DMXL2: variants seen among roughly 807,000 people sequenced by gnomAD.
DMXL2 encodes the protein dmX-like protein 2.
A neutral mutation model predicts 331.1 loss-of-function variants in DMXL2; 103 were observed. The observed-to-expected ratio is 0.31, with a 90% CI of 0.27 to 0.37. DMXL2 has a LOEUF of 0.37. DMXL2 is among the 10% of genes least tolerant of loss of function. The pLI is 1.00. For missense variants in DMXL2, 3,171 were observed against 3,642.9 expected (o/e 0.87, Z 3.33); for synonymous variants, 1,281 against 1,252.1 (o/e 1.02, Z -0.49).
intron 1 of DMXL2, among the ~76,000 whole-genome samples, chr15:51,603,988 A>G (rs944571462): frequency 5.9e-5 from 9 of 152,172 alleles, no homozygotes; most frequent in African/African-American, 2.2e-4. Context: ...CTTAATGAAC[A>G]CAGATGCAAA....
At chr15:51,468,059 A>C (rs1488908234) in intron 29 of DMXL2, among the ~76,000 whole-genome samples, 1 of 152,182 alleles carries the variant, frequency 6.6e-6, no homozygotes, top group East Asian at 1.9e-4. Context: ...TAATCTGCTC[A>C]TGAACAAGAC....
intron 15 of DMXL2, among the ~76,000 whole-genome samples, chr15:51,512,305 T>C (rs2046802369): frequency 6.6e-6 from 1 of 152,078 alleles, no homozygotes; most frequent in South Asian, 2.1e-4. Flanking sequence ...GAAAACACAA[T>C]ATGTAAACTT....
At chr15:51,611,155 A>T (rs543036066) in intron 1 of DMXL2, among the ~76,000 whole-genome samples, 1 of 152,250 alleles carries the variant, frequency 6.6e-6, no homozygotes, top group Admixed American at 6.5e-5. Context: ...AAATAAGTAT[A>T]TAACAGAGAG....
chr15:51,453,466 C>A, intron 41 of DMXL2, 84 bp downstream of exon 41: 3 of 995,422 alleles, frequency 3.0e-6, no homozygotes, highest in Non-Finnish European at 2.9e-6. Context: ...AGTGGAAAAA[C>A]CCTACTAATA....
At position 51,455,943 on chromosome 15, in the gene DMXL2, A is replaced by C. The variant is rs7180470; in HGVS notation, c.8526+123T>G. On this transcript the variant is annotated intron_variant, in intron 39 of 43. Transcript: ENST00000560891. ...AGAGAGTGTATGAATAGACTCCAACAAACTGTCTACTCAGTTTAAATCCAG... is the reference window on the plus strand; with the variant it reads ...AGAGAGTGTATGAATAGACTCCAACCAACTGTCTACTCAGTTTAAATCCAG... 4,673 of 1,164,082 alleles carry C rather than the reference A, an allele frequency of 4.0e-3. 119 individuals are homozygous for C. The African/African-American group carries it at 0.062, about 15-fold the overall frequency. 72.1% of individuals were successfully genotyped at this position (1,164,082 alleles called of 1,614,324 possible). A position where few individuals can be genotyped will look rare whatever the true frequency, so the allele number is the denominator to read the frequency against.
At chr15:51,467,313 C>T (rs2040672958) in intron 29 of DMXL2, among the ~76,000 whole-genome samples, 1 of 151,968 alleles carries the variant, frequency 6.6e-6, no homozygotes, top group South Asian at 2.1e-4. Context: ...AATTTCTGTG[C>T]ATGATAAACT....
intron 1 of DMXL2, among the ~76,000 whole-genome samples, chr15:51,620,688 T>C (rs1328171809): frequency 6.6e-6 from 1 of 152,132 alleles, no homozygotes; most frequent in Non-Finnish European, 1.5e-5. Flanking sequence ...GATTGTAAAA[T>C]AAGGTGGTGG....
In DMXL2 at chr15:51,480,103, G is replaced by A; in HGVS notation, c.6601C>T (p.Leu2201=). ...GAAAGCAGAGGTAGGGTGGTAGGCA[G>A]TGGTAGTGGAGACTGGAGCTGCTTT... ...TVKQLQSPLP[L]PTTLPLLSAS... is the part of the protein sequence containing the mutation. Residue 2201 remains leucine, a synonymous_variant, in exon 25 of 44, where the codon CTG becomes TTG. Coordinates refer to ENST00000560891, the MANE Select transcript of DMXL2 (RefSeq NM_001378457.1). 3 of 1,584,760 alleles carry A rather than the reference G, an allele frequency of 1.9e-6. No individual in the cohort carries two copies. Among genetic ancestry groups the A allele is most frequent in the Non-Finnish European group, 2.6e-6 (3 of 1,158,012 alleles).
chr15:51,483,481 A>T (rs918234852), intron 23 of DMXL2, among the ~76,000 whole-genome samples: 1 of 152,122 alleles, frequency 6.6e-6, no homozygotes, highest in African/African-American at 2.4e-5. Context: ...TTGGTCAGAG[A>T]AACAATCTGG....
chr15:51,555,925 A>G (rs1312629247), intron 6 of DMXL2, among the ~76,000 whole-genome samples: 1 of 152,214 alleles, frequency 6.6e-6, no homozygotes, highest in Non-Finnish European at 1.5e-5. Flanking sequence ...CTCTTCACAA[A>G]AGAGAGCTTT....
rs76409195 is a variant in DMXL2, at chr15:51,489,906, T to C, written c.4954-1261A>G. Among the ~76,000 whole-genome samples, 411 of 152,350 alleles carry C rather than the reference T, an allele frequency of 2.7e-3. 18 individuals are homozygous for C. In the East Asian group the frequency reaches 0.064, roughly 24 times the overall value. Reference sequence around the variant, plus strand: ...ATAAATTACTTGTGGAAATAAATCATGTGTATATTATCACAGATAATCATA... The same window carrying C: ...ATAAATTACTTGTGGAAATAAATCACGTGTATATTATCACAGATAATCATA... On this transcript the variant is annotated intron_variant, in intron 20 of 43. Coordinates refer to ENST00000560891, the MANE Select transcript of DMXL2 (RefSeq NM_001378457.1).
At position 51,499,616 on chromosome 15, in the gene DMXL2, T is replaced by C; in HGVS notation, c.3608A>G (p.Glu1203Gly). ...TACTCCATCCTTACTGTTGGTTTGC[T>C]CAGTCACAATTCCTGAAAGCCTTCC... ...MYGRLSGIVTEQTNSKDGVAV... is the reference protein window; with the variant it reads ...MYGRLSGIVTGQTNSKDGVAV... The change falls in exon 18 of 44, where the codon GAG (glutamate) becomes GGG (glycine). Residue 1203 changes from glutamate (E) to glycine (G), a missense_variant. This residue lies in a region of DMXL2 where 1,674 missense variants were observed against 1,780.2 expected (regional missense o/e 0.94). Transcript: ENST00000560891. 1 of 1,614,110 alleles carries C rather than the reference T, an allele frequency of 6.2e-7. No homozygotes were observed. Among genetic ancestry groups the C allele is most frequent in the Non-Finnish European group, 8.5e-7 (1 of 1,180,000 alleles).
rs74356680 is a variant in DMXL2 at position 51,470,441 on chromosome 15, T to C, written c.7392+782A>G. On this transcript the variant is annotated intron_variant, in intron 29 of 43. Transcript: ENST00000560891. Reference sequence around the variant, plus strand: ...CCACTGCACCTGGCCTCAGAGTCTTTAGATAACAAAACAAAGCTTCCAAAC... The same window carrying C: ...CCACTGCACCTGGCCTCAGAGTCTTCAGATAACAAAACAAAGCTTCCAAAC... Among the ~76,000 whole-genome samples, 414 of 152,252 alleles carry C rather than the reference T, an allele frequency of 2.7e-3. 18 individuals are homozygous for C. The East Asian group carries it at 0.065, about 24-fold the overall frequency.
At chr15:51,589,233 G>GA (rs1267847989) in intron 1 of DMXL2, among the ~76,000 whole-genome samples, 4 of 152,146 alleles carry the variant, frequency 2.6e-5, no homozygotes, top group African/African-American at 9.7e-5. Flanking sequence ...CAACTATTAA[G>GA]AATCATGTGC....
intron 1 of DMXL2, among the ~76,000 whole-genome samples, chr15:51,588,113 G>A (rs1376496278): frequency 6.7e-6 from 1 of 150,308 alleles, no homozygotes; most frequent in African/African-American, 2.4e-5. Context: ...TTCCCATTCT[G>A]TAGGTCGCCT....
At chr15:51,512,331 T>G (rs1365623073) in intron 15 of DMXL2, among the ~76,000 whole-genome samples, 2 of 152,092 alleles carry the variant, frequency 1.3e-5, no homozygotes, top group Admixed American at 6.5e-5. Context: ...GGATATAGAT[T>G]CAAACAAAAA....
At chr15:51,512,279 T>C (rs1004188452) in intron 15 of DMXL2, among the ~76,000 whole-genome samples, 3 of 152,162 alleles carry the variant, frequency 2.0e-5, no homozygotes, top group Non-Finnish European at 4.4e-5. Flanking sequence ...ATTAAAATAC[T>C]CTTTAAATAG....
intron 1 of DMXL2, among the ~76,000 whole-genome samples, chr15:51,585,652 TAGCCCCA>T (rs1477121474): frequency 2.6e-5 from 4 of 152,210 alleles, no homozygotes; most frequent in African/African-American, 9.6e-5. Context: ...AAAAAGATTA[TAGCCCCA>T]AGCTGTATAA....
intron 32 of DMXL2, 49 bp downstream of exon 32, chr15:51,464,626 C>T: frequency 6.5e-7 from 1 of 1,535,304 alleles, no homozygotes. Flanking sequence ...AACTGTCTTC[C>T]AGAAAAGTTA....
Sources: allele counts gnomAD v4.1 joint callset (sites outside exome capture counted in the v4.1 genomes callset), GRCh38; gene constraint gnomAD v4.1.1; regional missense constraint gnomAD v4.1.1; transcripts MANE v1.5; gene names NCBI Gene and HGNC (gene_info 2026-07-23, HGNC 2026-07-21).